Variants in CELSR1 observed in about 807,000 individuals in gnomAD.
The protein encoded by CELSR1 is adhesion G protein-coupled receptor C1.
CELSR1 carries 110 observed loss-of-function variants against 249.1 expected under a neutral mutation model. That is an observed-to-expected ratio of 0.44 (90% CI 0.38 to 0.52). The LOEUF is 0.52. Ranked by LOEUF, CELSR1 falls within the 20% of genes least tolerant of loss-of-function variation. The pLI, the probability that CELSR1 is intolerant of heterozygous loss-of-function variation, is 0.00. For missense variants in CELSR1, 4,109 were observed against 4,296.4 expected (o/e 0.96, Z 1.22); for synonymous variants, 2,113 against 1,900.0 (o/e 1.11, Z -2.92).
At position 46,411,472 on chromosome 22, in the gene CELSR1, T is replaced by A; in HGVS notation, c.4769+130A>T. On this transcript the variant is annotated intron_variant, in intron 6 of 34. Coordinates refer to ENST00000674500, the MANE Select transcript of CELSR1 (RefSeq NM_001378328.1). The surrounding 1 kb of genome is among the most constrained non-coding windows in gnomAD (Gnocchi z 4.2). ...CCCAACCATGGACAGGATGTCTGAC[T>A]CTAGCCTGGAATGAGGTCGCCAGGG... 9.8e-7 allele frequency: 1 copy of A among 1,023,264 alleles called. No individual in the cohort carries two copies. Among genetic ancestry groups the A allele is most frequent in the South Asian group, 1.6e-5 (1 of 61,518 alleles). 63.4% of individuals were successfully genotyped at this position (1,023,264 alleles called of 1,614,324 possible).
chr22:46,424,665 T>G, intron 5 of CELSR1, among the ~76,000 whole-genome samples: 1 of 152,180 alleles, frequency 6.6e-6, no homozygotes, highest in East Asian at 1.9e-4. Flanking sequence ...TCCATTGTTA[T>G]TCTGTCGTAT....
At chr22:46,414,506 GGCGA>G in intron 5 of CELSR1, among the ~76,000 whole-genome samples, 1 of 152,072 alleles carries the variant, frequency 6.6e-6, no homozygotes, top group African/African-American at 2.4e-5. Context: ...CCCGCCTCTC[GGCGA>G]GTGTGGGTTT....
At position 46,364,050 on chromosome 22, in the gene CELSR1, C is replaced by A; in HGVS notation, c.8981G>T (p.Gly2994Val). 6.2e-7 allele frequency: 1 copy of A among 1,612,074 alleles called. No homozygotes were observed. Among genetic ancestry groups the A allele is most frequent in the Non-Finnish European group, 8.5e-7 (1 of 1,179,586 alleles). Reference protein sequence around the residue: ...GREPGRDHLNGVAMNVRTGSA... With the variant: ...GREPGRDHLNVVAMNVRTGSA... ...CCCAGTGCGCACATTCATGGCCACCCCGTTGAGGTGGTCACGCCCCGGCTC... is the reference window on the plus strand; with the variant it reads ...CCCAGTGCGCACATTCATGGCCACCACGTTGAGGTGGTCACGCCCCGGCTC... Residue 2994 changes from glycine (G) to valine (V), a missense_variant, in exon 34 of 35, where the codon GGG becomes GTG. Gly to Val is a moderately radical substitution (Grantham distance 109). Coordinates refer to ENST00000674500, the MANE Select transcript of CELSR1 (RefSeq NM_001378328.1).
In CELSR1 at chr22:46,363,657, C is replaced by T; in HGVS notation, c.9035+339G>A. The T allele has an allele frequency of 2.6e-6, 1 of 389,376 alleles. No individual in the cohort carries two copies. Among genetic ancestry groups the T allele is most frequent in the East Asian group, 4.7e-5 (1 of 21,118 alleles). The allele number at this position is 389,376 out of a possible 1,614,324, so 24.1% of individuals were successfully genotyped here. A position where few individuals can be genotyped will look rare whatever the true frequency, so the allele number is the denominator to read the frequency against. ...CTGGCATTCCGGGACCCTCAGTATC[C>T]TCAACTGCAAGGTGGGTGGCAGTGG... On this transcript the variant is annotated intron_variant, in intron 34 of 34. Coordinates refer to ENST00000674500, the MANE Select transcript of CELSR1 (RefSeq NM_001378328.1). The surrounding 1 kb of genome is among the most constrained non-coding windows in gnomAD (Gnocchi z 4.3).
At chr22:46,387,060 G>C (rs11703720) in intron 18 of CELSR1, among the ~76,000 whole-genome samples, 3,427 of 151,870 alleles carry the variant, frequency 0.023, 52 homozygotes, top group Middle Eastern at 0.048. Flanking sequence ...GCCTGGCCTA[G>C]TTCCCAAATA....
rs1569097374 is a variant in CELSR1 at position 46,361,489 on chromosome 22, C to T, written c.*1734G>A. On this transcript the variant is annotated 3_prime_UTR_variant, in exon 35 of 35. Transcript: ENST00000674500. ...GTCATGAAAGGAGACTGTTCGAAGA[C>T]TTAAAAACCTTTTCGTACTTAGGAA... The T allele has an allele frequency of 6.6e-6, 1 of 152,308 alleles. No individual in the cohort carries two copies. The highest frequency in any genetic ancestry group is 1.5e-5 in the Non-Finnish European group (1 of 68,046). The allele number at this position is 152,308 out of a possible 1,614,324, so 9.4% of individuals were successfully genotyped here. A position where few individuals can be genotyped will look rare whatever the true frequency, so the allele number is the denominator to read the frequency against.
chr22:46,383,551 G>C (rs8141571), intron 20 of CELSR1, among the ~76,000 whole-genome samples: 19 of 152,224 alleles, frequency 1.2e-4, no homozygotes, highest in African/African-American at 4.6e-4. Context: ...CAACCAGACA[G>C]GTTTTTGCTC....
chr22:46,463,207 C>T (rs908739337), intron 2 of CELSR1, among the ~76,000 whole-genome samples: 4 of 152,214 alleles, frequency 2.6e-5, no homozygotes, highest in African/African-American at 4.8e-5. Context: ...AGGGAAGCCC[C>T]GAGCTGGCTA....
Position 46,411,893 on chromosome 22 carries a change from C to A in CELSR1, c.4612-134G>T. 1 of 1,133,436 alleles carries A rather than the reference C, an allele frequency of 8.8e-7. No homozygotes were observed. Among genetic ancestry groups the A allele is most frequent in the African/African-American group, 1.5e-5 (1 of 65,142 alleles). 70.2% of individuals were successfully genotyped at this position (1,133,436 alleles called of 1,614,324 possible). A position where few individuals can be genotyped will look rare whatever the true frequency, so the allele number is the denominator to read the frequency against. The stretch of plus-strand genomic sequence containing the variant: ...ACGTAGACAAGGGATGAGGAGCCCC[C>A]GGCCTTTAGTTCCCCAAACTAGCTG... On this transcript the variant is annotated intron_variant, in intron 5 of 34. Transcript: ENST00000674500. This position sits in a 1 kb window ranked among gnomAD's most constrained non-coding sequence, Gnocchi z 4.2.
rs2079309102 is a variant in CELSR1, at chr22:46,409,710, C to A, written c.5059+45G>T. 1 of 1,606,708 alleles carries A rather than the reference C, an allele frequency of 6.2e-7. No individual in the cohort carries two copies. Among genetic ancestry groups the A allele is most frequent in the African/African-American group, 1.3e-5 (1 of 75,046 alleles). On this transcript the variant is annotated intron_variant, in intron 8 of 34. Coordinates refer to ENST00000674500, the MANE Select transcript of CELSR1 (RefSeq NM_001378328.1). The surrounding 1 kb of genome is among the most constrained non-coding windows in gnomAD (Gnocchi z 9.8). The stretch of plus-strand genomic sequence containing the variant: ...CCGGGCACATCAAGGAGCAATGCCT[C>A]CCAGGCCGCCGTGACCGGGGGGATG...
In CELSR1 at chr22:46,367,038, C is replaced by T; in HGVS notation, c.8160G>A (p.Lys2720=). 1 of 1,610,982 alleles carries T rather than the reference C, an allele frequency of 6.2e-7. No individual in the cohort carries two copies. Among genetic ancestry groups the T allele is most frequent in the South Asian group, 1.1e-5 (1 of 90,742 alleles). The stretch of plus-strand genomic sequence containing the variant: ...TGGTGGCGGAGTCCTCCAGGTGCAG[C>T]TTCCTCCCGCCGAGCACGCCCTTCA... ...KHLKGVLGGR[K]LHLEDSATTR... is the part of the protein sequence containing the mutation. The change falls in exon 29 of 35, where the codon AAG becomes AAA. Residue 2720 remains lysine (K), a synonymous_variant. Transcript: ENST00000674500.
chr22:46,511,452 C>A lies in CELSR1; in HGVS notation c.3544+22175G>T, dbSNP rs116689547. Reference sequence around the variant, plus strand: ...AGCATCGCTCCAAAACAGAGCATGGCGTGGAGCAGACTTTCCTTCTGCTCT... The same window carrying A: ...AGCATCGCTCCAAAACAGAGCATGGAGTGGAGCAGACTTTCCTTCTGCTCT... On this transcript the variant is annotated intron_variant, in intron 1 of 34. Coordinates refer to ENST00000674500, the MANE Select transcript of CELSR1 (RefSeq NM_001378328.1). Among the ~76,000 whole-genome samples, 780 of 152,302 alleles carry A rather than the reference C, an allele frequency of 5.1e-3. 7 individuals carry two copies. The highest frequency in any genetic ancestry group is 0.018 in the African/African-American group (730 of 41,552).
intron 2 of CELSR1, among the ~76,000 whole-genome samples, chr22:46,460,695 C>T (rs545063573): frequency 2.8e-4 from 42 of 152,288 alleles, no homozygotes; most frequent in African/African-American, 1.2e-4. Flanking sequence ...TCTAAGATGC[C>T]GGAGCCTTAA....
intron 27 of CELSR1, among the ~76,000 whole-genome samples, chr22:46,368,259 C>G (rs1413116609): frequency 1.3e-5 from 2 of 152,160 alleles, no homozygotes; most frequent in Non-Finnish European, 2.9e-5. Flanking sequence ...AGCTCTGCCT[C>G]AGTCTCCCCA....
At position 46,534,260 on chromosome 22, in the gene CELSR1, C is replaced by T. The variant is rs1454657009; in HGVS notation, c.2911G>A (p.Val971Met). Residue 971 changes from valine (V) to methionine (M), a missense_variant, in exon 1 of 35, where the codon GTG becomes ATG. Coordinates refer to ENST00000674500, the MANE Select transcript of CELSR1 (RefSeq NM_001378328.1). The surrounding 1 kb of genome is among the most constrained non-coding windows in gnomAD (Gnocchi z 9.7). ...AGGGGAGTGGGACTGCCCCGATCCA[C>T]AGCCAGAGCCCAAAGGTTGTACACG... ...VAVYNLWALA[V>M]DRGSPTPLSA... is the part of the protein sequence containing the mutation. 6.2e-7 allele frequency: 1 copy of T among 1,613,504 alleles called. No individual in the cohort carries two copies. The highest frequency in any genetic ancestry group is 1.1e-5 in the South Asian group (1 of 91,080).
chr22:46,431,134 C>T (rs1569157689), intron 5 of CELSR1, among the ~76,000 whole-genome samples: 3 of 152,232 alleles, frequency 2.0e-5, no homozygotes, highest in African/African-American at 7.2e-5. Context: ...AATCCACCGT[C>T]CTCTGTGTAT....
At position 46,526,093 on chromosome 22, in the gene CELSR1, C is replaced by T. The variant is rs536184568; in HGVS notation, c.3544+7534G>A. 2.6e-5 allele frequency among the ~76,000 whole-genome samples: 4 copies of T among 152,326 alleles called. No individual in the cohort carries two copies. Among genetic ancestry groups the T allele is most frequent in the Admixed American group, 1.3e-4 (2 of 15,310 alleles). On this transcript the variant is annotated intron_variant, in intron 1 of 34. Transcript: ENST00000674500. This position sits in a 1 kb window ranked among gnomAD's most constrained non-coding sequence, Gnocchi z 4.7. ...CCCGGGCAGCTGGTGCTGAGGTGGG[C>T]GCCCTGCCCTGGTGAGTCCATGTCC...
At chr22:46,386,209 G>A (rs9615977) in intron 19 of CELSR1, among the ~76,000 whole-genome samples, 193 bp downstream of exon 19, 18,705 of 152,014 alleles carry the variant, frequency 0.12, 1,551 homozygotes, top group African/African-American at 0.23. Flanking sequence ...ACCTCATGTG[G>A]TCTGCCTGTC....
intron 5 of CELSR1, among the ~76,000 whole-genome samples, chr22:46,420,170 GCACT>G (rs1045173646): frequency 6.8e-6 from 1 of 147,258 alleles, no homozygotes; most frequent in Non-Finnish European, 1.5e-5. Flanking sequence ...ACCCACACGT[GCACT>G]CATTCATACT....
Sources: gnomAD v4.1 joint callset for allele counts (sites outside exome capture counted in the v4.1 genomes callset) on GRCh38, gnomAD v4.1.1 for gene constraint, Gnocchi (gnomAD v3.1) non-coding constraint, MANE v1.5 for transcripts, NCBI Gene and HGNC (gene_info 2026-07-23, HGNC 2026-07-21) for gene names.